The following NIBAN2 variants were observed in gnomAD, a reference collection of about 807,000 sequenced individuals.
The protein encoded by NIBAN2 is protein Niban 2.
NIBAN2 carries 36 observed loss-of-function variants against 81.8 expected under a neutral mutation model. The observed-to-expected ratio is 0.44, with a 90% confidence interval of 0.34 to 0.58. The LOEUF is 0.58. Among genes scored for constraint, NIBAN2 ranks in the 20% least tolerant of loss-of-function variants. NIBAN2 has a pLI of 0.02. For missense variants in NIBAN2, 897 were observed against 1,014.1 expected (o/e 0.88, Z 1.57); for synonymous variants, 445 against 441.6 (o/e 1.01, Z -0.10).
chr9:127,554,853 G>A (rs554294216), intron 1 of NIBAN2, among the ~76,000 whole-genome samples: 1 of 152,074 alleles, frequency 6.6e-6, no homozygotes, highest in East Asian at 1.9e-4. Context: ...ACAGGCGTGA[G>A]CCACCAAAAT....
upstream of NIBAN2, among the ~76,000 whole-genome samples, chr9:127,571,839 A>G (rs1837950314): frequency 6.6e-6 from 1 of 152,140 alleles, no homozygotes; most frequent in African/African-American, 2.4e-5. Context: ...CCAAAAAAAA[A>G]CTGCCTTGTC....
chr9:127,574,805 G>T (rs1316876), intron 1 of NIBAN2, among the ~76,000 whole-genome samples: 1 of 152,026 alleles, frequency 6.6e-6, no homozygotes, highest in Non-Finnish European at 1.5e-5. Context: ...CACCCAGCCC[G>T]GACCTCCTCT....
At position 127,507,381 on chromosome 9, in the gene NIBAN2, T is replaced by G. The variant is rs1836629526; in HGVS notation, c.1705A>C (p.Met569Leu). The change falls in exon 14 of 14, where the codon ATG becomes CTG. Residue 569 changes from methionine to leucine, a missense_variant. Physicochemically the swap from Met to Leu is conservative, Grantham distance 15 (BLOSUM62 2). Coordinates refer to ENST00000373312, the MANE Select transcript of NIBAN2 (RefSeq NM_022833.4). The surrounding 1 kb of genome is among the most constrained non-coding windows in gnomAD (Gnocchi z 6.8). ...QRKHNLYRDS[M>L]VMHNSDPNLH... ...TTGGGGTCGCTGTTGTGCATGACCATGCTGTCCCGGTAGAGGTTGTGCTTC... is the reference window on the plus strand; with the variant it reads ...TTGGGGTCGCTGTTGTGCATGACCAGGCTGTCCCGGTAGAGGTTGTGCTTC... 2 of 1,524,462 alleles carry G rather than the reference T, an allele frequency of 1.3e-6. No homozygotes were observed. Among genetic ancestry groups the G allele is most frequent in the African/African-American group, 1.4e-5 (1 of 71,850 alleles). 94.4% of individuals were successfully genotyped at this position (1,524,462 alleles called of 1,614,324 possible).
At chr9:127,578,821 C>G (rs4837169) in intron 1 of NIBAN2, 32,464 of 1,132,888 alleles carry the variant, frequency 0.029, 715 homozygotes, top group African/African-American at 0.084. Flanking sequence ...CATTCCGCTG[C>G]ACTCCAGCCT....
intron 5 of NIBAN2, among the ~76,000 whole-genome samples, chr9:127,520,000 G>C (rs143231143): frequency 6.6e-6 from 1 of 152,340 alleles, no homozygotes; most frequent in African/African-American, 2.4e-5. Flanking sequence ...GAGAAGGTGA[G>C]GCAGAGGGCC....
chr9:127,578,976 TG>T (rs756325438), exon 1 of NIBAN2: 1 of 1,592,802 alleles, frequency 6.3e-7, no homozygotes, highest in South Asian at 1.1e-5. Context: ...GGACCGGAAC[TG>T]GCCCAGTTCC....
chr9:127,569,751 G>T (rs1837924725), upstream of NIBAN2, among the ~76,000 whole-genome samples: 1 of 152,196 alleles, frequency 6.6e-6, no homozygotes, highest in Admixed American at 6.5e-5. Context: ...GAAGGCTCGG[G>T]CCCGAAGGCA....
rs1223137389 is a variant in NIBAN2 at position 127,517,515 on chromosome 9, C to T, written c.706-299G>A. Reference sequence around the variant, plus strand: ...TGCTTTGCCTGCACATGGAAGTGTACATTTATTTGCCAAATGTCTGTTTCT... The same window carrying T: ...TGCTTTGCCTGCACATGGAAGTGTATATTTATTTGCCAAATGTCTGTTTCT... On this transcript the variant is annotated intron_variant, in intron 6 of 13. Coordinates refer to ENST00000373312, the MANE Select transcript of NIBAN2 (RefSeq NM_022833.4). The surrounding 1 kb of genome is among the most constrained non-coding windows in gnomAD (Gnocchi z 4.0). Among the ~76,000 whole-genome samples the T allele has an allele frequency of 6.6e-6, 1 of 152,152 alleles. No individual in the cohort carries two copies. Among genetic ancestry groups the T allele is most frequent in the Non-Finnish European group, 1.5e-5 (1 of 68,026 alleles).
At chr9:127,512,653 C>T (rs1564295790) in intron 8 of NIBAN2, among the ~76,000 whole-genome samples, 1 of 152,270 alleles carries the variant, frequency 6.6e-6, no homozygotes, top group East Asian at 1.9e-4. Flanking sequence ...GTGCTCTGAC[C>T]ACCTGGGCAC....
At chr9:127,574,029 T>C (rs1837980100), upstream of NIBAN2, among the ~76,000 whole-genome samples, 1 of 152,200 alleles carries the variant, frequency 6.6e-6, no homozygotes, top group Admixed American at 6.6e-5. Flanking sequence ...TTTTTCTTAT[T>C]GATTTGTAAG....
intron 5 of NIBAN2, among the ~76,000 whole-genome samples, chr9:127,522,942 A>T (rs1464441563): frequency 6.6e-6 from 1 of 151,578 alleles, no homozygotes; most frequent in East Asian, 2.0e-4. Context: ...TCTGTCTATC[A>T]TCTGTCTCCC....
chr9:127,539,477 G>C (rs924937561), intron 1 of NIBAN2, among the ~76,000 whole-genome samples: 6 of 152,298 alleles, frequency 3.9e-5, no homozygotes, highest in African/African-American at 1.4e-4. Context: ...GTCAGAGCCG[G>C]GACTGAGGTC....
intron 1 of NIBAN2, among the ~76,000 whole-genome samples, chr9:127,575,526 CTT>C (rs60340873): frequency 5.7e-5 from 7 of 122,312 alleles, no homozygotes; most frequent in South Asian, 2.7e-4. Flanking sequence ...GTGCTGGGCC[CTT>C]TTTTTTTTTT....
In NIBAN2 at chr9:127,568,397, G is replaced by A. The variant is rs146905750; in HGVS notation, c.55+423C>T. The stretch of plus-strand genomic sequence containing the variant: ...CGGCGGAGCTGGGGACGGGACGGCT[G>A]GGGAGGAAGGTGAGCGCGAGCTGGC... On this transcript the variant is annotated intron_variant, in intron 1 of 13. Transcript: ENST00000373312. Among the ~76,000 whole-genome samples the A allele has an allele frequency of 3.4e-3, 516 of 152,296 alleles. 2 individuals are homozygous for A. The highest frequency in any genetic ancestry group is 5.2e-3 in the Non-Finnish European group (357 of 68,006).
intron 5 of NIBAN2, among the ~76,000 whole-genome samples, chr9:127,521,550 C>G (rs1287223949): frequency 1.3e-5 from 2 of 152,150 alleles, no homozygotes; most frequent in South Asian, 2.1e-4. Flanking sequence ...TCCTTCCCCC[C>G]ACCCCCCACT....
chr9:127,551,787 G>A (rs1057258576), intron 1 of NIBAN2, among the ~76,000 whole-genome samples: 1 of 152,170 alleles, frequency 6.6e-6, no homozygotes, highest in Admixed American at 6.5e-5. Flanking sequence ...GCTGCTGCCA[G>A]GCTGGCAAGA....
chr9:127,514,941 A>T (rs756736972), intron 8 of NIBAN2, among the ~76,000 whole-genome samples: 36 of 152,162 alleles, frequency 2.4e-4, no homozygotes, highest in Non-Finnish European at 4.7e-4. Context: ...AGGCAGGAGG[A>T]TTGTCTGAGG....
intron 2 of NIBAN2, among the ~76,000 whole-genome samples, chr9:127,530,664 G>A (rs374400932): frequency 5.3e-5 from 8 of 152,326 alleles, no homozygotes; most frequent in African/African-American, 1.9e-4. Context: ...CAGTGACAGT[G>A]CCTTCCCTGC....
At chr9:127,518,619 T>C (rs948853759) in intron 5 of NIBAN2, among the ~76,000 whole-genome samples, 6 of 152,250 alleles carry the variant, frequency 3.9e-5, no homozygotes, top group African/African-American at 1.2e-4. Flanking sequence ...CCATAGGCCA[T>C]AGGTTTCAGA....
Sources: gnomAD v4.1 joint callset for allele counts (sites outside exome capture counted in the v4.1 genomes callset) on GRCh38, gnomAD v4.1.1 for gene constraint, Gnocchi (gnomAD v3.1) non-coding constraint, MANE v1.5 for transcripts, NCBI Gene and HGNC (gene_info 2026-07-23, HGNC 2026-07-21) for gene names.